The following HSD17B4 variants were observed in gnomAD, a reference collection of about 807,000 sequenced individuals.
HSD17B4 encodes the protein hydroxysteroid 17-beta dehydrogenase 4, also known as peroxisomal multifunctional enzyme type 2.
In HSD17B4, 70 loss-of-function variants were observed where a neutral mutation model predicts 101.0. The ratio of observed to expected loss-of-function variants is 0.69; its 90% confidence interval spans 0.57 to 0.85. HSD17B4 has a LOEUF of 0.85. HSD17B4 is among the 40% of genes least tolerant of loss of function. The pLI, the probability that HSD17B4 is intolerant of heterozygous loss-of-function variation, is 0.00. For synonymous variants in HSD17B4, 347 were observed against 297.1 expected (o/e 1.17, Z -1.73); for missense variants, 984 against 892.4 (o/e 1.10, Z -1.31).
intron 17 of HSD17B4, among the ~76,000 whole-genome samples, chr5:119,515,305 G>T (rs1402060251): frequency 6.6e-6 from 1 of 152,016 alleles, no homozygotes; most frequent in South Asian, 2.1e-4. Context: ...ATTGCATGTT[G>T]TTGGTAATGG....
chr5:119,493,341 T>G (rs915757150), intron 10 of HSD17B4: 3 of 159,646 alleles, frequency 1.9e-5, no homozygotes, highest in African/African-American at 7.2e-5. Flanking sequence ...TAAGGGAGAA[T>G]TATTTGGGGC....
At chr5:119,510,777 CTG>C (rs1752095982) in intron 16 of HSD17B4, among the ~76,000 whole-genome samples, 1 of 152,200 alleles carries the variant, frequency 6.6e-6, no homozygotes, top group Non-Finnish European at 1.5e-5. Context: ...ATGACAGAAA[CTG>C]TACCCCAGGC....
At chr5:119,499,270 T>C (rs1387708123) in intron 12 of HSD17B4, 47 bp from the exon 13 acceptor site, 3 of 1,338,368 alleles carry the variant, frequency 2.2e-6, no homozygotes, top group Non-Finnish European at 3.2e-6. Context: ...GTTAATAGTT[T>C]TGAAAAGTTA....
Position 119,524,819 on chromosome 5 carries a change from C to G in HSD17B4, c.1504-397C>G, listed in dbSNP as rs571781386. The stretch of plus-strand genomic sequence containing the variant: ...TCTATGTCCGATATTGTCTTAGAAG[C>G]TTCAATTTAAAACACCCCAGTAAGA... On this transcript the variant is annotated intron_variant, in intron 17 of 23. Transcript: ENST00000510025. Among the ~76,000 whole-genome samples the G allele has an allele frequency of 7.9e-5, 12 of 152,180 alleles. 1 individual carries two copies. In the South Asian group the frequency reaches 2.5e-3, roughly 32 times the overall value.
In HSD17B4 at chr5:119,525,272, T is replaced by C. The variant is rs1403155030; in HGVS notation, c.1560T>C (p.Phe520=). Residue 520 remains phenylalanine (F), a synonymous_variant, in exon 18 of 24, where the codon TTT becomes TTC. Transcript: ENST00000510025. ...DWNPLHIDPN[F]ASLAGFDKPI... is the part of the protein sequence containing the mutation. ...ATCCCTTACACATTGATCCTAACTT[T>C]GCTAGTCTAGCAGGTGAGTTGTCTT... The C allele has an allele frequency of 1.2e-6, 2 of 1,609,542 alleles. No homozygotes were observed. Among genetic ancestry groups the C allele is most frequent in the African/African-American group, 2.7e-5 (2 of 74,866 alleles).
intron 22 of HSD17B4, 85 bp downstream of exon 22, chr5:119,531,489 G>A: frequency 2.2e-6 from 3 of 1,369,720 alleles, no homozygotes; most frequent in Admixed American, 1.7e-5. Context: ...ACCTTTGAAG[G>A]TAGGTAAATC....
At chr5:119,491,163 C>T (rs898520663) in intron 9 of HSD17B4, among the ~76,000 whole-genome samples, 3 of 152,064 alleles carry the variant, frequency 2.0e-5, no homozygotes, top group African/African-American at 7.2e-5. Flanking sequence ...TAGCTTATTA[C>T]TTCGCTTCCA....
At chr5:119,540,301 A>T (rs1290638409) in intron 23 of HSD17B4, among the ~76,000 whole-genome samples, 12 of 152,118 alleles carry the variant, frequency 7.9e-5, no homozygotes, top group African/African-American at 2.9e-4. Flanking sequence ...GTATTGGGAA[A>T]GTGTCCCTGA....
intron 2 of HSD17B4, chr5:119,471,713 AG>A: frequency 7.3e-7 from 1 of 1,373,178 alleles, no homozygotes; most frequent in Non-Finnish European, 9.9e-7. Context: ...AATTCTCTTA[AG>A]TTCTGTTTTT....
chr5:119,466,875 T>A (rs1755867231), intron 2 of HSD17B4, among the ~76,000 whole-genome samples: 1 of 152,144 alleles, frequency 6.6e-6, no homozygotes. Flanking sequence ...TTAGATTGTT[T>A]ATTTGAATTC....
intron 16 of HSD17B4, among the ~76,000 whole-genome samples, chr5:119,513,773 G>A (rs1252997971): frequency 6.6e-6 from 1 of 152,192 alleles, no homozygotes; most frequent in Non-Finnish European, 1.5e-5. Context: ...CAGAGATGAT[G>A]TCAAGTCATG....
intron 8 of HSD17B4, among the ~76,000 whole-genome samples, chr5:119,481,609 A>C (rs889150856): frequency 2.0e-5 from 3 of 152,180 alleles, no homozygotes; most frequent in African/African-American, 4.8e-5. Flanking sequence ...GTGCAATAGC[A>C]TTATGTGTAG....
chr5:119,530,567 C>T (rs1753980557), intron 21 of HSD17B4, among the ~76,000 whole-genome samples: 1 of 144,160 alleles, frequency 6.9e-6, no homozygotes, highest in African/African-American at 2.5e-5. Flanking sequence ...AAAAAAAAAA[C>T]TTAGAGCGGG....
chr5:119,466,466 A>G lies in HSD17B4; in HGVS notation c.113-7442A>G, dbSNP rs185978915. ...TCTTTTCTTTCTTGGGAGACTTTTT[A>G]TACCCGCTTCAATCTTGTTCTTTGT... On this transcript the variant is annotated intron_variant, in intron 2 of 23. Transcript: ENST00000510025. Among the ~76,000 whole-genome samples, 53 of 152,210 alleles carry G rather than the reference A, an allele frequency of 3.5e-4. 2 individuals carry two copies. Among genetic ancestry groups the G allele is most frequent in the Admixed American group, 1.8e-3 (27 of 15,288 alleles).
chr5:119,465,270 G>A (rs1035601281), intron 2 of HSD17B4, among the ~76,000 whole-genome samples: 2 of 152,060 alleles, frequency 1.3e-5, no homozygotes, highest in Admixed American at 6.5e-5. Context: ...TTCTTTTTCA[G>A]CTAGTTTGGT....
chr5:119,529,937 A>G lies in HSD17B4; in HGVS notation c.1811A>G (p.Asp604Gly), dbSNP rs749858537. 3.1e-6 allele frequency: 5 copies of G among 1,610,976 alleles called. No individual in the cohort carries two copies. The highest frequency in any genetic ancestry group is 2.2e-5 in the South Asian group (2 of 91,026). ...GDIVISNAYV[D>G]LAPTSGTSAK... ...ATTGTCATTTCAAATGCATATGTGGATCTTGCACCAACATCTGGTACTTCA... is the reference window on the plus strand; with the variant it reads ...ATTGTCATTTCAAATGCATATGTGGGTCTTGCACCAACATCTGGTACTTCA... The change falls in exon 21 of 24, where the codon GAT becomes GGT. Residue 604 changes from aspartate (D) to glycine (G), a missense_variant. Asp to Gly is a moderately conservative substitution (Grantham distance 94, BLOSUM62 -1). Transcript: ENST00000510025.
At chr5:119,518,208 G>A (rs1388730135) in intron 17 of HSD17B4, among the ~76,000 whole-genome samples, 3 of 152,164 alleles carry the variant, frequency 2.0e-5, no homozygotes, top group South Asian at 2.1e-4. Context: ...TGAAGCCAGC[G>A]AGACCATGAG....
At chr5:119,499,856 T>C (rs1751000744) in intron 13 of HSD17B4, among the ~76,000 whole-genome samples, 1 of 152,150 alleles carries the variant, frequency 6.6e-6, no homozygotes. Flanking sequence ...ATCTCTAGGC[T>C]TCAGTTTCCT....
At chr5:119,506,924 A>G (rs560808804) in intron 15 of HSD17B4, 35 bp downstream of exon 15, 2 of 1,081,098 alleles carry the variant, frequency 1.8e-6, no homozygotes, top group Admixed American at 1.7e-5. Context: ...TAATATTGTT[A>G]GATTGATAGG....
Sources: gnomAD v4.1 joint callset for allele counts (sites outside exome capture counted in the v4.1 genomes callset) on GRCh38, gnomAD v4.1.1 for gene constraint, MANE v1.5 for transcripts, NCBI Gene and HGNC (gene_info 2026-07-23, HGNC 2026-07-21) for gene names.